Variants in FMN1 observed in about 807,000 individuals in gnomAD.
FMN1 encodes formin-1.
FMN1 carries 110 observed loss-of-function variants against 132.4 expected under a neutral mutation model. The ratio of observed to expected loss-of-function variants is 0.83; its 90% confidence interval spans 0.71 to 0.97. FMN1 has a LOEUF of 0.97. Among genes scored for constraint, FMN1 ranks in the 50% least tolerant of loss-of-function variants. FMN1 has a pLI of 0.00. For missense variants in FMN1, 1,792 were observed against 1,705.3 expected (o/e 1.05, Z -0.90); for synonymous variants, 722 against 651.7 (o/e 1.11, Z -1.64).
chr15:33,079,857 C>T (rs1443014934), intron 5 of FMN1, among the ~76,000 whole-genome samples: 1 of 152,074 alleles, frequency 6.6e-6, no homozygotes, highest in Non-Finnish European at 1.5e-5. Context: ...TTTATCATGA[C>T]TTAAAGCGAT....
intron 4 of FMN1, among the ~76,000 whole-genome samples, chr15:33,098,821 T>TC (rs2039182829): frequency 6.6e-6 from 1 of 152,262 alleles, no homozygotes; most frequent in African/African-American, 2.4e-5. Flanking sequence ...CTTGCCAGGT[T>TC]CCTGTAATAC....
intron 2 of FMN1, among the ~76,000 whole-genome samples, chr15:33,185,857 C>A (rs963971933): frequency 9.9e-5 from 15 of 152,040 alleles, no homozygotes; most frequent in Admixed American, 3.3e-4. Flanking sequence ...TAGGCATGAG[C>A]CCCTGTGCCT....
intron 16 of FMN1, among the ~76,000 whole-genome samples, chr15:32,872,594 C>T (rs2141381236): frequency 6.6e-6 from 1 of 152,314 alleles, no homozygotes; most frequent in Non-Finnish European, 1.5e-5. Context: ...GGCCACAGGC[C>T]TGAGCCTCTT....
At chr15:33,062,403 C>T (rs1187844581) in intron 6 of FMN1, among the ~76,000 whole-genome samples, 3 of 152,040 alleles carry the variant, frequency 2.0e-5, no homozygotes, top group East Asian at 1.9e-4. Context: ...GGGGGGATCA[C>T]GAGGTCAAGA....
chr15:33,155,037 T>C lies in FMN1; in HGVS notation c.-123A>G, dbSNP rs1375082763. The C allele has an allele frequency of 4.3e-6, 3 of 703,334 alleles. No homozygotes were observed. Among genetic ancestry groups the C allele is most frequent in the Admixed American group, 2.9e-5 (1 of 34,174 alleles). 43.6% of individuals were successfully genotyped at this position (703,334 alleles called of 1,614,324 possible). On this transcript the variant is annotated 5_prime_UTR_variant, in exon 4 of 21. Transcript: ENST00000616417. ...AGCAGCTGACAGTCATCTCCAGCAA[T>C]GAGACTGCCTGTTAGAGGAACAGGG... is the stretch of plus-strand genomic sequence containing the variant.
intron 9 of FMN1, among the ~76,000 whole-genome samples, chr15:32,958,844 C>T (rs1263114000): frequency 6.6e-6 from 1 of 152,060 alleles, no homozygotes; most frequent in African/African-American, 2.4e-5. Flanking sequence ...GAGTTTGAGA[C>T]TGGCCTGGAC....
intron 5 of FMN1, among the ~76,000 whole-genome samples, chr15:33,080,261 T>TA (rs1231359929): frequency 6.6e-6 from 1 of 152,240 alleles, no homozygotes. Context: ...TCTGTGCATT[T>TA]ACTGATGTTG....
intron 9 of FMN1, 82 bp from the exon 10 acceptor site, chr15:32,926,343 T>G (rs1172611409): frequency 4.2e-6 from 3 of 715,880 alleles, no homozygotes; most frequent in Non-Finnish European, 6.9e-6. Context: ...AACATTAAAT[T>G]TTTTTAGATA....
chr15:32,999,973 C>CT (rs2033999105), intron 7 of FMN1, among the ~76,000 whole-genome samples: 1 of 152,196 alleles, frequency 6.6e-6, no homozygotes, highest in African/African-American at 2.4e-5. Context: ...CAGAGTTTCA[C>CT]TTACCTTTCC....
intron 4 of FMN1, among the ~76,000 whole-genome samples, chr15:33,106,461 T>C (rs911135099): frequency 6.6e-6 from 1 of 152,042 alleles, no homozygotes; most frequent in African/African-American, 2.4e-5. Context: ...TAGAGGAATT[T>C]TGAGTCATTC....
chr15:33,015,612 C>A (rs1050727012), intron 6 of FMN1, among the ~76,000 whole-genome samples: 1 of 152,132 alleles, frequency 6.6e-6, no homozygotes, highest in South Asian at 2.1e-4. Context: ...TGGATCTACT[C>A]CTACCCGCGG....
chr15:33,083,042 A>G (rs1047746470), intron 5 of FMN1, among the ~76,000 whole-genome samples: 3 of 152,098 alleles, frequency 2.0e-5, no homozygotes, highest in Non-Finnish European at 2.9e-5. Flanking sequence ...GATTTGCAGG[A>G]TAATTACCCA....
intron 4 of FMN1, among the ~76,000 whole-genome samples, chr15:33,118,519 C>T (rs2040014260): frequency 6.6e-6 from 1 of 152,088 alleles, no homozygotes. Flanking sequence ...TTTATTTTTC[C>T]TAGGTAATTT....
rs147408213 is a variant in FMN1 at position 33,128,729 on chromosome 15, T to C, written c.1867+24319A>G. 3.0e-4 allele frequency among the ~76,000 whole-genome samples: 46 copies of C among 152,336 alleles called. No homozygotes were observed. In the East Asian group the frequency reaches 3.1e-3, roughly 10 times the overall value. ...ACCCTCACGGTAAGTGTGACAGCTC[T>C]TAAAGGTGATGTGGTGAATTTTAAA... On this transcript the variant is annotated intron_variant, in intron 4 of 20. Transcript: ENST00000616417.
chr15:32,911,181 T>C (rs922153461), intron 10 of FMN1, among the ~76,000 whole-genome samples: 2 of 152,244 alleles, frequency 1.3e-5, no homozygotes, highest in African/African-American at 4.8e-5. Flanking sequence ...AGCCGTTAAC[T>C]AATATGCTTA....
At chr15:32,987,464 T>C (rs2140826440) in intron 7 of FMN1, among the ~76,000 whole-genome samples, 1 of 152,192 alleles carries the variant, frequency 6.6e-6, no homozygotes, top group East Asian at 1.9e-4. Context: ...CCATCACCTT[T>C]CCCCCGACTG....
chr15:33,095,294 G>A (rs1212827864), intron 4 of FMN1, among the ~76,000 whole-genome samples: 1 of 152,156 alleles, frequency 6.6e-6, no homozygotes, highest in Non-Finnish European at 1.5e-5. Flanking sequence ...GTTGCAGTGA[G>A]CCGAGATTGT....
intron 7 of FMN1, among the ~76,000 whole-genome samples, chr15:32,978,516 C>A (rs2032391485): frequency 6.6e-6 from 1 of 152,182 alleles, no homozygotes; most frequent in African/African-American, 2.4e-5. Context: ...ACATTTTAGG[C>A]AATGAGCCAA....
At chr15:33,030,547 C>T (rs540170150) in intron 6 of FMN1, among the ~76,000 whole-genome samples, 1 of 152,304 alleles carries the variant, frequency 6.6e-6, no homozygotes, top group Admixed American at 6.5e-5. Flanking sequence ...GATCTGGTTT[C>T]AGTCACAAAA....
Sources: gnomAD v4.1 joint callset for allele counts (sites outside exome capture counted in the v4.1 genomes callset) on GRCh38, gnomAD v4.1.1 for gene constraint, MANE v1.5 for transcripts, NCBI Gene and HGNC (gene_info 2026-07-23, HGNC 2026-07-21) for gene names.